IQSEC3: variants seen among roughly 807,000 people sequenced by gnomAD.
IQSEC3 encodes the protein IQ motif and SEC7 domain-containing protein 3.
A neutral mutation model predicts 105.4 loss-of-function variants in IQSEC3; 50 were observed. The observed-to-expected ratio is 0.47, with a 90% CI of 0.38 to 0.60. The LOEUF (loss-of-function observed/expected upper bound fraction) is 0.60, where lower values mean the gene tolerates loss of function less well. IQSEC3 is among the 20% of genes least tolerant of loss of function. The pLI is 0.00. For missense variants in IQSEC3, 1,415 were observed against 1,630.0 expected (o/e 0.87, Z 2.27); for synonymous variants, 708 against 746.0 (o/e 0.95, Z 0.83).
At chr12:104,783 G>A (rs1483368474) in intron 2 of IQSEC3, among the ~76,000 whole-genome samples, 1 of 152,388 alleles carries the variant, frequency 6.6e-6, no homozygotes, top group South Asian at 2.1e-4. Context: ...TGCGGGGATA[G>A]CCCTGCATTG....
chr12:91,494 G>T (rs1565388554), intron 1 of IQSEC3, among the ~76,000 whole-genome samples: 1 of 152,256 alleles, frequency 6.6e-6, no homozygotes, highest in East Asian at 1.9e-4. Context: ...AAACAGGGAG[G>T]CCCAGCGCGG....
intron 13 of IQSEC3, among the ~76,000 whole-genome samples, chr12:173,906 A>G (rs1939137304): frequency 6.6e-6 from 1 of 152,166 alleles, no homozygotes; most frequent in Admixed American, 6.5e-5. Flanking sequence ...TTGGGGATCA[A>G]GGTTAGAGCC....
chr12:76,719 G>T (rs1475220805), intron 1 of IQSEC3, among the ~76,000 whole-genome samples: 3 of 152,278 alleles, frequency 2.0e-5, no homozygotes, highest in Non-Finnish European at 2.9e-5. Flanking sequence ...TGTGGAAGGG[G>T]ACAGGTACAG....
chr12:72,589 C>A (rs1280959060), intron 1 of IQSEC3, among the ~76,000 whole-genome samples: 1 of 127,242 alleles, frequency 7.9e-6, no homozygotes, highest in Non-Finnish European at 1.9e-5. Context: ...GTGAGGCCAT[C>A]TGGCAGGGTT....
At chr12:151,025 A>G (rs1866489456) in intron 5 of IQSEC3, among the ~76,000 whole-genome samples, 1 of 112,184 alleles carries the variant, frequency 8.9e-6, no homozygotes, top group Non-Finnish European at 1.8e-5. Flanking sequence ...GGTGCTCCTG[A>G]GATGATTCAG....
intron 1 of IQSEC3, among the ~76,000 whole-genome samples, chr12:81,464 G>A (rs1409657549): frequency 6.6e-6 from 1 of 152,122 alleles, no homozygotes; most frequent in Admixed American, 6.5e-5. Context: ...CTTGGACCAG[G>A]GTAGTAGCAA....
chr12:141,007 A>G, intron 4 of IQSEC3, 117 bp from the exon 5 acceptor site: 1 of 1,059,856 alleles, frequency 9.4e-7, no homozygotes, highest in South Asian at 1.6e-5. Flanking sequence ...AGAAGCTTCA[A>G]TGGGGAACTG....
rs564661158 is a variant in IQSEC3, at chr12:114,793, G to A, written c.624-10840G>A. ...AGGGAAAGGCTTATGGCCTGGCACT[G>A]TCCCCTGGCCTGCCCCATGGGGTAT... On this transcript the variant is annotated intron_variant, in intron 2 of 13. Coordinates refer to ENST00000538872, the MANE Select transcript of IQSEC3 (RefSeq NM_001170738.2). 1.3e-4 allele frequency among the ~76,000 whole-genome samples: 20 copies of A among 152,358 alleles called. No homozygotes were observed. The East Asian group carries it at 3.7e-3, about 28-fold the overall frequency.
intron 12 of IQSEC3, among the ~76,000 whole-genome samples, chr12:170,366 A>G (rs1036723260): frequency 2.7e-5 from 2 of 74,130 alleles, no homozygotes; most frequent in Non-Finnish European, 7.3e-5. Context: ...GCCTGTCCCC[A>G]GGGACGTGTC....
At chr12:157,188 C>T (rs782408023) in intron 6 of IQSEC3, 41 bp downstream of exon 6, 3 of 1,490,848 alleles carry the variant, frequency 2.0e-6, no homozygotes, top group Admixed American at 4.7e-5. Flanking sequence ...CAGACCCCAG[C>T]GTGGGGAAGC....
At chr12:100,248 T>C (rs1864379927) in intron 2 of IQSEC3, among the ~76,000 whole-genome samples, 1 of 152,106 alleles carries the variant, frequency 6.6e-6, no homozygotes, top group Admixed American at 6.5e-5. Flanking sequence ...GGTCTTCTTG[T>C]CCCTGAAGGA....
At chr12:131,883 C>T (rs1209648150) in intron 3 of IQSEC3, among the ~76,000 whole-genome samples, 1 of 152,188 alleles carries the variant, frequency 6.6e-6, no homozygotes, top group Non-Finnish European at 1.5e-5. Context: ...GAACCCGGAA[C>T]TGAATTCCAG....
At chr12:158,385 A>G (rs560244997) in intron 7 of IQSEC3, among the ~76,000 whole-genome samples, 1 of 151,700 alleles carries the variant, frequency 6.6e-6, no homozygotes, top group Admixed American at 6.6e-5. Flanking sequence ...GCTTTTTTCT[A>G]TCTCTTTTTT....
intron 2 of IQSEC3, among the ~76,000 whole-genome samples, chr12:106,361 G>A: frequency 6.6e-6 from 1 of 152,184 alleles, no homozygotes; most frequent in East Asian, 1.9e-4. Context: ...TGCTTCCCAT[G>A]TCCCCAGCCA....
At chr12:158,089 G>C (rs1429765329) in intron 7 of IQSEC3, among the ~76,000 whole-genome samples, 1 of 152,218 alleles carries the variant, frequency 6.6e-6, no homozygotes, top group Non-Finnish European at 1.5e-5. Flanking sequence ...TATGGCACCA[G>C]CTGGCAAGTC....
At chr12:135,949 G>A (rs781802824) in intron 3 of IQSEC3, among the ~76,000 whole-genome samples, 29 of 152,354 alleles carry the variant, frequency 1.9e-4, no homozygotes, top group South Asian at 1.4e-3. Flanking sequence ...TAGATTCACA[G>A]AGCTGCATGA....
At chr12:156,605 C>G in intron 5 of IQSEC3, among the ~76,000 whole-genome samples, 1 of 152,124 alleles carries the variant, frequency 6.6e-6, no homozygotes, top group Admixed American at 6.5e-5. Context: ...CCCCTCAAGA[C>G]CTAAATGAGA....
chr12:100,373 G>A (rs1359119531), intron 2 of IQSEC3, among the ~76,000 whole-genome samples: 1 of 152,176 alleles, frequency 6.6e-6, no homozygotes, highest in South Asian at 2.1e-4. Context: ...CCATTTTCAG[G>A]TTTAAGATCC....
At position 125,640 on chromosome 12, in the gene IQSEC3, T is replaced by A; in HGVS notation, c.631T>A (p.Ser211Thr). The A allele has an allele frequency of 6.6e-7, 1 of 1,514,808 alleles. No homozygotes were observed. The highest frequency in any genetic ancestry group is 8.7e-7 in the Non-Finnish European group (1 of 1,144,178). 93.8% of individuals were successfully genotyped at this position (1,514,808 alleles called of 1,614,324 possible). The change falls in exon 3 of 14, where the codon TCC (serine) becomes ACC (threonine). Residue 211 changes from serine to threonine, a missense_variant. Ser to Thr is a moderately conservative substitution (Grantham distance 58). Transcript: ENST00000538872. ...CSDLASQSDG[S>T]CTQAGGGMED... ...GTTGCCTTCTGTTCACAGTGATGGCTCCTGCACCCAGGCCGGTGGGGGCAT... is the reference window on the plus strand; with the variant it reads ...GTTGCCTTCTGTTCACAGTGATGGCACCTGCACCCAGGCCGGTGGGGGCAT...
Sources: gnomAD v4.1 joint callset for allele counts (sites outside exome capture counted in the v4.1 genomes callset) on GRCh38, gnomAD v4.1.1 for gene constraint, MANE v1.5 for transcripts, NCBI Gene and HGNC (gene_info 2026-07-23, HGNC 2026-07-21) for gene names.